The following TMEM63C variants were observed in gnomAD, a reference collection of about 807,000 sequenced individuals.
TMEM63C encodes transmembrane protein 63C.
Under a neutral mutation model 99.2 loss-of-function variants are expected in TMEM63C, and 32 were observed. That is an observed-to-expected ratio of 0.32 (90% CI 0.24 to 0.43). The LOEUF is 0.43. TMEM63C is among the 20% of genes least tolerant of loss of function. The pLI is 1.00. For missense variants in TMEM63C, 826 were observed against 1,053.0 expected, an observed-to-expected ratio of 0.78 and a Z score of 2.98; for synonymous variants, 376 against 397.9, an observed-to-expected ratio of 0.94 and a Z score of 0.66.
At chr14:77,253,469 C>G (rs1251759436) in intron 23 of TMEM63C, 93 bp downstream of exon 23, 3 of 1,275,588 alleles carry the variant, frequency 2.4e-6, no homozygotes, top group Admixed American at 2.0e-5. Context: ...GCTTTGCTGC[C>G]CACTCTGGGT....
At chr14:77,247,974 A>AT (rs1384596241) in intron 18 of TMEM63C, among the ~76,000 whole-genome samples, 1 of 152,022 alleles carries the variant, frequency 6.6e-6, no homozygotes, top group Non-Finnish European at 1.5e-5. Flanking sequence ...TAAAGATGTT[A>AT]TTTTTTCCCA....
At chr14:77,197,015 A>G (rs1691794777) in intron 1 of TMEM63C, among the ~76,000 whole-genome samples, 1 of 152,230 alleles carries the variant, frequency 6.6e-6, no homozygotes, top group African/African-American at 2.4e-5. Context: ...GCTAGAAGGT[A>G]TTGAAGCTAG....
chr14:77,254,360 C>T (rs894499781), intron 23 of TMEM63C, among the ~76,000 whole-genome samples: 2 of 152,060 alleles, frequency 1.3e-5, no homozygotes, highest in East Asian at 1.9e-4. Flanking sequence ...CAGAAGTCAC[C>T]GGAGTGCCAG....
At chr14:77,196,913 GCTC>G (rs1555346248) in intron 1 of TMEM63C, among the ~76,000 whole-genome samples, 1 of 152,010 alleles carries the variant, frequency 6.6e-6, no homozygotes, top group Non-Finnish European at 1.5e-5. Context: ...TGTGCCCCAC[GCTC>G]CTCTTCCTCT....
intron 4 of TMEM63C, 55 bp from the exon 5 acceptor site, chr14:77,219,951 C>G: frequency 6.6e-7 from 1 of 1,503,866 alleles, no homozygotes; most frequent in South Asian, 1.2e-5. Context: ...GCAGGGCAGG[C>G]AGCTGAGAAC....
chr14:77,240,393 G>A, intron 12 of TMEM63C, 82 bp from the exon 13 acceptor site: 3 of 1,482,496 alleles, frequency 2.0e-6, no homozygotes, highest in Non-Finnish European at 2.7e-6. Context: ...ATCCAGGGAG[G>A]CTTGAGTGGG....
At chr14:77,182,201 T>A (rs1443375323) in intron 1 of TMEM63C, among the ~76,000 whole-genome samples, 4 of 151,366 alleles carry the variant, frequency 2.6e-5, no homozygotes, top group Non-Finnish European at 4.4e-5. Flanking sequence ...GCTTGGGGGG[T>A]CCCCGGCCTC....
intron 18 of TMEM63C, among the ~76,000 whole-genome samples, chr14:77,246,964 T>C (rs1423667176): frequency 6.6e-6 from 1 of 152,174 alleles, no homozygotes; most frequent in Non-Finnish European, 1.5e-5. Context: ...CTTTATCCAG[T>C]TTCCCCCAAT....
chr14:77,199,130 C>T (rs7150022), intron 1 of TMEM63C, among the ~76,000 whole-genome samples: 34,231 of 152,080 alleles, frequency 0.23, 4,914 homozygotes, highest in Admixed American at 0.37. Flanking sequence ...GGAGGAGCTG[C>T]GTTATTAAGA....
chr14:77,213,821 A>G (rs1478800632), intron 2 of TMEM63C, among the ~76,000 whole-genome samples: 1 of 152,210 alleles, frequency 6.6e-6, no homozygotes, highest in African/African-American at 2.4e-5. Context: ...TGGGGTAGAA[A>G]CAAGAAAACT....
rs192931752 is a variant in TMEM63C, at chr14:77,254,558, G to A, written c.2220+1182G>A. On this transcript the variant is annotated intron_variant, in intron 23 of 23. Transcript: ENST00000298351. The stretch of plus-strand genomic sequence containing the variant: ...CAATAAGTTTTTGAAATCTTCTTAT[G>A]AGCCTGGCGCTTTGCTGTTTTCGCT... 7.9e-5 allele frequency among the ~76,000 whole-genome samples: 12 copies of A among 152,276 alleles called. No homozygotes were observed. The East Asian group carries it at 2.1e-3, about 27-fold the overall frequency.
At chr14:77,248,273 T>C in intron 18 of TMEM63C, 74 bp from the exon 19 acceptor site, 1 of 1,371,742 alleles carries the variant, frequency 7.3e-7, no homozygotes, top group Non-Finnish European at 1.0e-6. Context: ...TGCTCTCCTC[T>C]CTCTCCTCCC....
intron 20 of TMEM63C, 84 bp from the exon 21 acceptor site, chr14:77,249,207 C>T (rs372074728): frequency 9.1e-6 from 13 of 1,430,348 alleles, no homozygotes; most frequent in Middle Eastern, 3.6e-4. Flanking sequence ...GTGGATCTGG[C>T]TTCTCAGGCC....
chr14:77,199,040 T>C (rs575493327), intron 1 of TMEM63C, among the ~76,000 whole-genome samples: 2 of 152,132 alleles, frequency 1.3e-5, no homozygotes, highest in African/African-American at 2.4e-5. Flanking sequence ...ATATTATGGA[T>C]GATGTATGTT....
chr14:77,183,489 G>A (rs1887947105), intron 1 of TMEM63C, among the ~76,000 whole-genome samples: 1 of 152,188 alleles, frequency 6.6e-6, no homozygotes, highest in African/African-American at 2.4e-5. Flanking sequence ...CACAATTTCT[G>A]TGGGCCTATC....
chr14:77,233,148 C>T (rs962839287), intron 7 of TMEM63C, among the ~76,000 whole-genome samples: 3 of 152,214 alleles, frequency 2.0e-5, no homozygotes, highest in African/African-American at 7.2e-5. Context: ...CTGCTCGTGG[C>T]TGGATGGCTG....
intron 1 of TMEM63C, among the ~76,000 whole-genome samples, chr14:77,194,583 CT>C (rs1321211368): frequency 1.5e-5 from 2 of 137,180 alleles, no homozygotes; most frequent in African/African-American, 5.5e-5. Context: ...TTCTTTCTTC[CT>C]TTTTTTGGAG....
intron 1 of TMEM63C, among the ~76,000 whole-genome samples, chr14:77,209,023 G>A (rs1202102034): frequency 3.3e-5 from 5 of 152,248 alleles, no homozygotes; most frequent in Middle Eastern, 3.4e-3. Context: ...GCGGAGGGAC[G>A]TTTGGGGACC....
intron 1 of TMEM63C, among the ~76,000 whole-genome samples, chr14:77,204,136 C>A (rs984998672): frequency 1.2e-4 from 19 of 152,232 alleles, no homozygotes; most frequent in African/African-American, 4.6e-4. Flanking sequence ...GGACTTGTTA[C>A]CACGGAGACA....
Sources: gnomAD v4.1 joint callset for allele counts (sites outside exome capture counted in the v4.1 genomes callset) on GRCh38, gnomAD v4.1.1 for gene constraint, MANE v1.5 for transcripts, NCBI Gene and HGNC (gene_info 2026-07-23, HGNC 2026-07-21) for gene names.